FLYWCH1: variants seen among roughly 807,000 people sequenced by gnomAD.
FLYWCH1 encodes the protein FLYWCH-type zinc finger-containing protein 1.
FLYWCH1 carries 75 observed loss-of-function variants against 66.4 expected under a neutral mutation model. That is an observed-to-expected ratio of 1.13 (90% confidence interval 0.94 to 1.37). FLYWCH1 has a LOEUF of 1.37. FLYWCH1 is among the 40% of genes most tolerant of loss of function. The pLI is 0.00. For synonymous variants in FLYWCH1, 595 were observed against 429.9 expected (o/e 1.38, Z -4.75); for missense variants, 1,334 against 1,001.8 (o/e 1.33, Z -4.48).
At chr16:2,918,970 CAG>C (rs746697740) in intron 2 of FLYWCH1, among the ~76,000 whole-genome samples, 3 of 151,532 alleles carry the variant, frequency 2.0e-5, no homozygotes, top group Non-Finnish European at 4.4e-5. Flanking sequence ...TTTTTTGAGG[CAG>C]AGTCTCCCTC....
At chr16:2,930,356 T>C in intron 3 of FLYWCH1, 54 bp from the exon 4 acceptor site, 1 of 1,173,450 alleles carries the variant, frequency 8.5e-7, no homozygotes, top group Non-Finnish European at 1.2e-6. Flanking sequence ...TCTCTGTGCC[T>C]GCGACCCTGA....
Position 2,930,769 on chromosome 16 carries a change from G to T in FLYWCH1, c.685G>T (p.Glu229Ter), listed in dbSNP as rs376352350. 1.8e-5 allele frequency: 29 copies of T among 1,582,222 alleles called. No homozygotes were observed. ...VGPWQCPEEPEPTPGLVLSKP... is the reference protein window; with the variant it reads ...VGPWQCPEEP ...CCCGTGGCAGTGCCCTGAGGAGCCC[G>T]AGCCCACTCCTGGGCTGGTGCTGAG... Residue 229 changes from glutamate (E) to a stop codon, truncating the protein, a stop_gained, in exon 4 of 10, where the codon GAG becomes TAG. Coordinates refer to ENST00000253928, the MANE Select transcript of FLYWCH1 (RefSeq NM_001308068.2). LOFTEE classifies it high-confidence loss of function.
rs1276404439 is a variant in FLYWCH1 at position 2,938,802 on chromosome 16, C to T, written c.2050+346C>T. ...TAATTTTTTGTATTTTTAGTAGAGA[C>T]GGGGTTTCACCATGTTAGCCAGGAT... On this transcript the variant is annotated intron_variant, in intron 8 of 9. Transcript: ENST00000253928. 7.9e-5 allele frequency among the ~76,000 whole-genome samples: 12 copies of T among 151,096 alleles called. No individual in the cohort carries two copies. In the South Asian group the frequency reaches 8.3e-4, roughly 11 times the overall value.
At position 2,936,710 on chromosome 16, in the gene FLYWCH1, G is replaced by A. The variant is rs868574075; in HGVS notation, c.1514-411G>A. Reference sequence around the variant, plus strand: ...ACACCTCTACCTGCGCGGCTCTCGGGGGCCACCCCTCTCAGCCCCATCCGG... The same window carrying A: ...ACACCTCTACCTGCGCGGCTCTCGGAGGCCACCCCTCTCAGCCCCATCCGG... On this transcript the variant is annotated intron_variant, in intron 6 of 9. Coordinates refer to ENST00000253928, the MANE Select transcript of FLYWCH1 (RefSeq NM_001308068.2). The A allele has an allele frequency of 1.1e-4, 54 of 470,512 alleles. No individual in the cohort carries two copies. The Middle Eastern group carries it at 1.3e-3, about 11-fold the overall frequency. The allele number at this position is 470,512 out of a possible 1,614,324, so 29.1% of individuals were successfully genotyped here.
rs775166087 is a variant in FLYWCH1, at chr16:2,934,766, C to T, written c.1513+787C>T. ...CCAGAGAGACAGTGCTGCGAGGTCC[C>T]CGCCTCGTCCTCACCCCCGCTCCTG... On this transcript the variant is annotated intron_variant, in intron 6 of 9. Transcript: ENST00000253928. 1.4e-5 allele frequency: 6 copies of T among 421,866 alleles called. No individual in the cohort carries two copies. The East Asian group carries it at 3.6e-4, about 26-fold the overall frequency. The allele number at this position is 421,866 out of a possible 1,614,324, so 26.1% of individuals were successfully genotyped here. A position where few individuals can be genotyped will look rare whatever the true frequency, so the allele number is the denominator to read the frequency against.
At chr16:2,939,184 G>A (rs533919161) in intron 8 of FLYWCH1, among the ~76,000 whole-genome samples, 21 of 152,262 alleles carry the variant, frequency 1.4e-4, no homozygotes, top group African/African-American at 3.9e-4. Flanking sequence ...AGTGGCTCAC[G>A]CCTGTAATCC....
rs1345109547 is a variant in FLYWCH1, at chr16:2,937,146, C to T, written c.1539C>T (p.Pro513=). Residue 513 remains proline (P), a synonymous_variant, in exon 7 of 10, where the codon CCC becomes CCT. Transcript: ENST00000253928. ...SPGGPEFLKT[P]LGGSFLVYES... is the part of the protein sequence containing the mutation. ...GAGGCCCCGAGTTCCTGAAGACGCC[C>T]CTGGGGGGCAGCTTCCTGGTGTACG... The T allele has an allele frequency of 9.3e-6, 15 of 1,608,898 alleles. No individual in the cohort carries two copies. The highest frequency in any genetic ancestry group is 1.9e-4 in the Middle Eastern group (1 of 5,206).
At chr16:2,943,939 CA>C (rs907617262) in intron 9 of FLYWCH1, among the ~76,000 whole-genome samples, 4 of 151,826 alleles carry the variant, frequency 2.6e-5, no homozygotes, top group Non-Finnish European at 5.9e-5. Flanking sequence ...CCCGTCTCTA[CA>C]AAAAAATTTA....
chr16:2,936,721 C>T (rs747680616), intron 6 of FLYWCH1: 3 of 473,726 alleles, frequency 6.3e-6, no homozygotes, highest in South Asian at 3.1e-5. Flanking sequence ...GGCCACCCCT[C>T]TCAGCCCCAT....
At chr16:2,921,247 T>TC (rs573041903) in intron 2 of FLYWCH1, among the ~76,000 whole-genome samples, 1 of 152,196 alleles carries the variant, frequency 6.6e-6, no homozygotes, top group Non-Finnish European at 1.5e-5. Context: ...CAGAAAGCTG[T>TC]CCAAGTATCA....
intron 2 of FLYWCH1, among the ~76,000 whole-genome samples, chr16:2,916,662 A>C (rs2070178483): frequency 2.0e-5 from 3 of 151,656 alleles, no homozygotes; most frequent in Admixed American, 2.0e-4. Context: ...AACAAAAAAT[A>C]AAAAAAAGAA....
intron 2 of FLYWCH1, chr16:2,922,629 A>T (rs957062848): frequency 1.5e-5 from 6 of 405,944 alleles, no homozygotes; most frequent in Non-Finnish European, 2.8e-5. Flanking sequence ...AGATATACAT[A>T]TATTTAGAAT....
intron 2 of FLYWCH1, among the ~76,000 whole-genome samples, chr16:2,927,765 A>C (rs1008257606): frequency 6.6e-6 from 1 of 152,234 alleles, no homozygotes; most frequent in Non-Finnish European, 1.5e-5. Context: ...CTCCACACCT[A>C]TGGATATTTC....
chr16:2,929,255 G>A (rs1008501475), intron 2 of FLYWCH1, among the ~76,000 whole-genome samples: 1 of 152,150 alleles, frequency 6.6e-6, no homozygotes, highest in Non-Finnish European at 1.5e-5. Flanking sequence ...CAATAAGAAC[G>A]TTCTGCCGTC....
chr16:2,925,582 G>C (rs1254084632), intron 2 of FLYWCH1, among the ~76,000 whole-genome samples: 1 of 67,458 alleles, frequency 1.5e-5, no homozygotes, highest in Non-Finnish European at 2.7e-5. Context: ...TGCGGGGGGA[G>C]GGGGGTACGG....
Position 2,949,424 on chromosome 16 carries a change from G to A in FLYWCH1, c.*697G>A, listed in dbSNP as rs1389649584. 3.9e-5 allele frequency: 6 copies of A among 152,462 alleles called. No individual in the cohort carries two copies. Among genetic ancestry groups the A allele is most frequent in the African/African-American group, 1.2e-4 (5 of 41,472 alleles). The allele number at this position is 152,462 out of a possible 1,614,324, so 9.4% of individuals were successfully genotyped here. A position where few individuals can be genotyped will look rare whatever the true frequency, so the allele number is the denominator to read the frequency against. ...TCCCGAGATGGGAGCCAGTCCAGGG[G>A]TCAGCAGGAGCCAGCGCTGGGCACA... On this transcript the variant is annotated 3_prime_UTR_variant, in exon 10 of 10. Coordinates refer to ENST00000253928, the MANE Select transcript of FLYWCH1 (RefSeq NM_001308068.2).
chr16:2,925,253 C>T (rs1224658081), intron 2 of FLYWCH1, among the ~76,000 whole-genome samples: 2 of 152,246 alleles, frequency 1.3e-5, no homozygotes, highest in Non-Finnish European at 2.9e-5. Context: ...AGGGGACTTT[C>T]TCCAGAGGGC....
chr16:2,924,880 T>C (rs975445612), intron 2 of FLYWCH1, among the ~76,000 whole-genome samples: 1 of 152,248 alleles, frequency 6.6e-6, no homozygotes, highest in Non-Finnish European at 1.5e-5. Context: ...CACATGTGTC[T>C]TGGAAGCCCT....
chr16:2,938,643 T>C (rs1416329107), intron 8 of FLYWCH1, among the ~76,000 whole-genome samples, 187 bp downstream of exon 8: 4 of 150,238 alleles, frequency 2.7e-5, no homozygotes, highest in East Asian at 3.9e-4. Context: ...GACTGAGTCT[T>C]GCTCTGTTGC....
Sources: gnomAD v4.1 joint callset for allele counts (sites outside exome capture counted in the v4.1 genomes callset) on GRCh38, gnomAD v4.1.1 for gene constraint, MANE v1.5 for transcripts, NCBI Gene and HGNC (gene_info 2026-07-23, HGNC 2026-07-21) for gene names.